Variants in KCNAB1 observed in about 807,000 individuals in gnomAD.
The protein encoded by KCNAB1 is potassium voltage-gated channel subfamily A regulatory beta subunit 1.
KCNAB1 carries 35 observed loss-of-function variants against 64.6 expected under a neutral mutation model. That is an observed-to-expected ratio of 0.54 (90% CI 0.41 to 0.72). The LOEUF (loss-of-function observed/expected upper bound fraction) is 0.72. KCNAB1 is among the 30% of genes least tolerant of loss of function. KCNAB1 has a pLI of 0.00. For missense variants in KCNAB1, 401 were observed against 512.9 expected, an observed-to-expected ratio of 0.78 and a Z score of 2.11; for synonymous variants, 177 against 183.8, an observed-to-expected ratio of 0.96 and a Z score of 0.30.
rs55870631 is a variant in KCNAB1, at chr3:156,218,798, A to T, written c.275+97912A>T. Among the ~76,000 whole-genome samples, 17 of 37,344 alleles carry T rather than the reference A, an allele frequency of 4.6e-4. 1 individual carries two copies. The East Asian group carries it at 6.1e-3, about 13-fold the overall frequency. The allele number at this position is 37,344 out of a possible 152,430, so 24.5% of individuals were successfully genotyped here. On this transcript the variant is annotated intron_variant, in intron 1 of 13. Coordinates refer to ENST00000490337, the MANE Select transcript of KCNAB1 (RefSeq NM_172160.3). The stretch of plus-strand genomic sequence containing the variant: ...AGACCCAGAACAGCAAAAAAAAAAA[A>T]AAAAATAATAATAAAATAAAATAAA...
intron 2 of KCNAB1, among the ~76,000 whole-genome samples, chr3:156,450,271 T>C (rs150403848): frequency 0.011 from 1,721 of 152,322 alleles, 14 homozygotes; most frequent in South Asian, 0.031. Flanking sequence ...CTTTGACCAA[T>C]GCATTCTACA....
At chr3:156,297,764 G>C (rs1720896638) in intron 1 of KCNAB1, among the ~76,000 whole-genome samples, 1 of 152,066 alleles carries the variant, frequency 6.6e-6, no homozygotes, top group South Asian at 2.1e-4. Context: ...TAGCGCGTGT[G>C]TGTGTGTGTG....
intron 1 of KCNAB1, among the ~76,000 whole-genome samples, chr3:156,303,509 G>A (rs940888577): frequency 5.3e-5 from 8 of 152,104 alleles, no homozygotes; most frequent in African/African-American, 1.9e-4. Flanking sequence ...GGCTCCTGGG[G>A]GACCTTGCTG....
At chr3:156,168,417 G>A (rs773953998) in intron 1 of KCNAB1, among the ~76,000 whole-genome samples, 2 of 152,010 alleles carry the variant, frequency 1.3e-5, no homozygotes, top group Non-Finnish European at 2.9e-5. Flanking sequence ...AAATTTAAAA[G>A]GCTGTAGGAA....
At position 156,417,622 on chromosome 3, in the gene KCNAB1, T is replaced by G. The variant is rs186503876; in HGVS notation, c.276-3994T>G. Among the ~76,000 whole-genome samples, 35 of 152,232 alleles carry G rather than the reference T, an allele frequency of 2.3e-4. No individual in the cohort carries two copies. The East Asian group carries it at 4.6e-3, about 20-fold the overall frequency. ...ACGAATTTTCTGCTTTTAGCCTCTT[T>G]GACTTGTAAAGAAACTGTGAGCATC... On this transcript the variant is annotated intron_variant, in intron 1 of 13. Transcript: ENST00000490337.
At chr3:156,298,613 T>C (rs1405640983) in intron 1 of KCNAB1, among the ~76,000 whole-genome samples, 2 of 152,222 alleles carry the variant, frequency 1.3e-5, no homozygotes, top group Admixed American at 6.5e-5. Context: ...CTTTAGTATA[T>C]CAATTTATGA....
At chr3:156,164,506 C>T (rs1195150384) in intron 1 of KCNAB1, among the ~76,000 whole-genome samples, 1 of 152,152 alleles carries the variant, frequency 6.6e-6, no homozygotes, top group African/African-American at 2.4e-5. Flanking sequence ...CATGTTCTTA[C>T]TCATTTTGTT....
chr3:156,137,220 T>TG (rs1336379075), intron 1 of KCNAB1, among the ~76,000 whole-genome samples: 821 of 76,344 alleles, frequency 0.011, 16 homozygotes, highest in African/African-American at 0.037. Flanking sequence ...TATCATACAT[T>TG]GGTGGGGGGG....
intron 1 of KCNAB1, among the ~76,000 whole-genome samples, chr3:156,236,381 A>G (rs1369642840): frequency 6.6e-6 from 1 of 152,166 alleles, no homozygotes; most frequent in African/African-American, 2.4e-5. Flanking sequence ...GATTTGCAAG[A>G]ACATGGATTC....
At chr3:156,181,509 T>C (rs1179320432) in intron 1 of KCNAB1, among the ~76,000 whole-genome samples, 1 of 152,128 alleles carries the variant, frequency 6.6e-6, no homozygotes, top group Non-Finnish European at 1.5e-5. Flanking sequence ...CAAACAATGA[T>C]GTGTTGGATT....
At chr3:156,369,551 T>C (rs968839963) in intron 1 of KCNAB1, among the ~76,000 whole-genome samples, 2 of 152,196 alleles carry the variant, frequency 1.3e-5, no homozygotes, top group Admixed American at 1.3e-4. Flanking sequence ...ATATGTTTTT[T>C]AAAGGGGAGA....
chr3:156,156,195 G>T (rs1482952107), intron 1 of KCNAB1, among the ~76,000 whole-genome samples: 1 of 152,138 alleles, frequency 6.6e-6, no homozygotes, highest in African/African-American at 2.4e-5. Flanking sequence ...GCATTCCAAG[G>T]GCTTAGAGGT....
At chr3:156,461,874 C>T (rs555296493) in intron 5 of KCNAB1, among the ~76,000 whole-genome samples, 10 of 152,296 alleles carry the variant, frequency 6.6e-5, no homozygotes, top group African/African-American at 2.2e-4. Context: ...CAGTTGCCCC[C>T]GTGAGACTGG....
intron 1 of KCNAB1, among the ~76,000 whole-genome samples, chr3:156,402,233 A>T (rs1713958875): frequency 6.6e-6 from 1 of 152,192 alleles, no homozygotes; most frequent in African/African-American, 2.4e-5. Flanking sequence ...AGCGTTTCAT[A>T]ATCCTTCGAG....
At chr3:156,412,182 T>A (rs1018497652) in intron 1 of KCNAB1, among the ~76,000 whole-genome samples, 1 of 152,218 alleles carries the variant, frequency 6.6e-6, no homozygotes, top group African/African-American at 2.4e-5. Context: ...TACCAATCAG[T>A]AGTTTATTCC....
At chr3:156,156,872 C>T (rs1577650635) in intron 1 of KCNAB1, among the ~76,000 whole-genome samples, 2 of 151,996 alleles carry the variant, frequency 1.3e-5, no homozygotes, top group East Asian at 3.9e-4. Context: ...ATTGCGAGAA[C>T]ATAAAGCCAT....
chr3:156,346,965 T>C (rs1724522396), intron 1 of KCNAB1, among the ~76,000 whole-genome samples: 2 of 138,268 alleles, frequency 1.4e-5, no homozygotes, highest in Non-Finnish European at 3.0e-5. Context: ...CTTACTGAGA[T>C]AGTCAAAGAG....
chr3:156,511,535 A>G (rs1559922993), intron 8 of KCNAB1, among the ~76,000 whole-genome samples: 1 of 152,196 alleles, frequency 6.6e-6, no homozygotes, highest in Non-Finnish European at 1.5e-5. Context: ...TATCTGGGAA[A>G]CAGCTTTAAT....
intron 12 of KCNAB1, chr3:156,524,342 G>T (rs1218145539): frequency 6.4e-6 from 1 of 156,740 alleles, no homozygotes; most frequent in Non-Finnish European, 1.4e-5. Flanking sequence ...ACTGCCACAT[G>T]AAAAGCTGAT....
Sources: allele counts gnomAD v4.1 joint callset (sites outside exome capture counted in the v4.1 genomes callset), GRCh38; gene constraint gnomAD v4.1.1; transcripts MANE v1.5; gene names NCBI Gene and HGNC (gene_info 2026-07-23, HGNC 2026-07-21).